TMED8: variants seen among roughly 807,000 people sequenced by gnomAD.
The protein encoded by TMED8 is protein TMED8.
Under a neutral mutation model 32.7 loss-of-function variants are expected in TMED8, and 15 were observed. That is an observed-to-expected ratio of 0.46 (90% CI 0.31 to 0.71). The LOEUF (loss-of-function observed/expected upper bound fraction) is 0.71, where lower values mean the gene tolerates loss of function less well. TMED8 is among the 30% of genes least tolerant of loss of function. The probability of loss-of-function intolerance (pLI) is 0.06; values close to 1 mark genes in which losing one functional copy is unlikely to be tolerated. For missense variants in TMED8, 390 were observed against 423.9 expected (o/e 0.92, Z 0.70); for synonymous variants, 147 against 161.4 (o/e 0.91, Z 0.68).
In TMED8 at chr14:77,376,495, G is replaced by T. The variant is rs1436026438; in HGVS notation, c.118+441C>A. Among the ~76,000 whole-genome samples, 9 of 152,076 alleles carry T rather than the reference G, an allele frequency of 5.9e-5. No individual in the cohort carries two copies. The highest frequency in any genetic ancestry group is 2.2e-4 in the African/African-American group (9 of 41,396). On this transcript the variant is annotated intron_variant, in intron 1 of 5. Transcript: ENST00000216468. The surrounding 1 kb of genome is among the most constrained non-coding windows in gnomAD (Gnocchi z 4.0). ...AACCCGGGTGGGGGCCGAGAGGCGCGTGGTAAGGCTGGGGCAGGGGACTGA... is the reference window on the plus strand; with the variant it reads ...AACCCGGGTGGGGGCCGAGAGGCGCTTGGTAAGGCTGGGGCAGGGGACTGA...
intron 1 of TMED8, among the ~76,000 whole-genome samples, chr14:77,362,668 T>C (rs1893465285): frequency 6.6e-6 from 1 of 151,998 alleles, no homozygotes; most frequent in Non-Finnish European, 1.5e-5. Context: ...AGTTCTCCAA[T>C]TAGAAGACAC....
intron 1 of TMED8, among the ~76,000 whole-genome samples, chr14:77,353,294 C>A (rs543411737): frequency 6.6e-6 from 1 of 152,164 alleles, no homozygotes; most frequent in Non-Finnish European, 1.5e-5. Context: ...ATACAAAATG[C>A]AACTTAAGTA....
rs1892911649 is a variant in TMED8 at position 77,341,937 on chromosome 14, C to A, written c.812G>T (p.Gly271Val). The change falls in exon 6 of 6, where the codon GGT becomes GTT. Residue 271 changes from glycine (G) to valine (V), a missense_variant. Coordinates refer to ENST00000216468, the MANE Select transcript of TMED8 (RefSeq NM_213601.3). ...VERGSRSSLR[G>V]RYGEVMPVYR... ...CACAGGCATGACCTCCCCATAGCGA[C>A]CCCGCAAGGAGCTCCTGGAGCCTCT... is the stretch of plus-strand genomic sequence containing the variant. 2 of 1,614,060 alleles carry A rather than the reference C, an allele frequency of 1.2e-6. No individual in the cohort carries two copies. Among genetic ancestry groups the A allele is most frequent in the Admixed American group, 1.7e-5 (1 of 60,020 alleles).
intron 2 of TMED8, among the ~76,000 whole-genome samples, chr14:77,348,708 T>A (rs972939504): frequency 5.3e-5 from 8 of 151,236 alleles, no homozygotes; most frequent in Non-Finnish European, 8.9e-5. Flanking sequence ...AAACGGAGGC[T>A]TCATTTTAGA....
intron 2 of TMED8, among the ~76,000 whole-genome samples, chr14:77,347,112 G>C (rs948540503): frequency 6.6e-6 from 1 of 151,736 alleles, no homozygotes; most frequent in Non-Finnish European, 1.5e-5. Flanking sequence ...CCACCATCCT[G>C]CCCTCGGCTT....
At chr14:77,349,393 C>T (rs574989360) in intron 2 of TMED8, among the ~76,000 whole-genome samples, 1 of 152,246 alleles carries the variant, frequency 6.6e-6, no homozygotes, top group Admixed American at 6.5e-5. Context: ...GCTGGGATTA[C>T]AGGCGTGAGC....
At chr14:77,354,148 TC>T in intron 1 of TMED8, among the ~76,000 whole-genome samples, 1 of 152,326 alleles carries the variant, frequency 6.6e-6, no homozygotes, top group African/African-American at 2.4e-5. Context: ...GAACAACTTT[TC>T]CAGGTGTGTT....
At chr14:77,348,192 G>A (rs1031308835) in intron 2 of TMED8, among the ~76,000 whole-genome samples, 1 of 151,514 alleles carries the variant, frequency 6.6e-6, no homozygotes, top group Non-Finnish European at 1.5e-5. Context: ...ATTTTTAAAT[G>A]AACAAATAAC....
At chr14:77,351,507 C>A (rs572659114) in intron 2 of TMED8, among the ~76,000 whole-genome samples, 166 bp downstream of exon 2, 4 of 149,390 alleles carry the variant, frequency 2.7e-5, no homozygotes, top group African/African-American at 9.8e-5. Context: ...GTGATCCACC[C>A]GCCTTGGCCT....
Position 77,376,184 on chromosome 14 carries a change from C to G in TMED8, c.118+752G>C, listed in dbSNP as rs949645012. ...GGATGGACTCTTTTGTCTTTGGACA[C>G]TGAAATAATACACACGGAGGAACTC... On this transcript the variant is annotated intron_variant, in intron 1 of 5. Transcript: ENST00000216468. The surrounding 1 kb of genome is among the most constrained non-coding windows in gnomAD (Gnocchi z 4.0). Among the ~76,000 whole-genome samples the G allele has an allele frequency of 1.3e-5, 2 of 152,176 alleles. No individual in the cohort carries two copies. The highest frequency in any genetic ancestry group is 3.8e-4 in the East Asian group (2 of 5,198).
Position 77,376,727 on chromosome 14 carries a change from A to G in TMED8, c.118+209T>C. 2.9e-6 allele frequency: 1 copy of G among 343,100 alleles called. No homozygotes were observed. The highest frequency in any genetic ancestry group is 1.5e-4 in the South Asian group (1 of 6,794). The allele number at this position is 343,100 out of a possible 1,614,324, so 21.3% of individuals were successfully genotyped here. On this transcript the variant is annotated intron_variant, in intron 1 of 5. Coordinates refer to ENST00000216468, the MANE Select transcript of TMED8 (RefSeq NM_213601.3). The surrounding 1 kb of genome is among the most constrained non-coding windows in gnomAD (Gnocchi z 4.0). Reference sequence around the variant, plus strand: ...AAGGAAGCGGGGCAGGAATCAAGGCATTTCGAAACAGGAGTGAGTAGAAAA... The same window carrying G: ...AAGGAAGCGGGGCAGGAATCAAGGCGTTTCGAAACAGGAGTGAGTAGAAAA...
At chr14:77,368,081 G>A (rs541022233) in intron 1 of TMED8, among the ~76,000 whole-genome samples, 1 of 152,328 alleles carries the variant, frequency 6.6e-6, no homozygotes, top group East Asian at 1.9e-4. Flanking sequence ...GTTAACTCCA[G>A]TTTGGGGCTA....
rs745471659 is a variant in TMED8 at position 77,343,305 on chromosome 14, A to G, written c.633T>C (p.Asp211=). ...GKRVCWEFAT[D]DYDIGFGVYF... ...AAACTCCAAAGCCAATGTCATAGTC[A>G]TCGGTCGCAAACTCCCAGCAGACAC... Residue 211 remains aspartate (D), a synonymous_variant, in exon 5 of 6, where the codon GAT becomes GAC. Transcript: ENST00000216468. The G allele has an allele frequency of 1.2e-6, 2 of 1,614,114 alleles. No individual in the cohort carries two copies. Among genetic ancestry groups the G allele is most frequent in the African/African-American group, 2.7e-5 (2 of 74,938 alleles).
chr14:77,368,625 G>A (rs1048222073), intron 1 of TMED8, among the ~76,000 whole-genome samples: 27 of 151,982 alleles, frequency 1.8e-4, no homozygotes, highest in Admixed American at 1.6e-3. Flanking sequence ...CTACAGGCAC[G>A]TGCCACCACA....
chr14:77,346,760 G>GTTTTTT, intron 2 of TMED8, among the ~76,000 whole-genome samples: 16 of 69,440 alleles, frequency 2.3e-4, no homozygotes, highest in South Asian at 7.4e-4. Context: ...TGCTGGTCTG[G>GTTTTTT]TTTTTTTTTT....
At position 77,340,634 on chromosome 14, in the gene TMED8, C is replaced by G. The variant is rs544402070; in HGVS notation, c.*1137G>C. The G allele has an allele frequency of 1.3e-5, 2 of 152,190 alleles. No homozygotes were observed. The highest frequency in any genetic ancestry group is 4.8e-5 in the African/African-American group (2 of 41,512). The allele number at this position is 152,190 out of a possible 1,614,324, so 9.4% of individuals were successfully genotyped here. ...GGTGACACAGTAGGAAATGCTGTCA[C>G]CAGGGAAATGCAAGCTTTGGTCAGG... On this transcript the variant is annotated 3_prime_UTR_variant, in exon 6 of 6. Transcript: ENST00000216468.
intron 2 of TMED8, among the ~76,000 whole-genome samples, chr14:77,347,094 C>T (rs1893065724): frequency 6.6e-6 from 1 of 152,104 alleles, no homozygotes; most frequent in East Asian, 1.9e-4. Flanking sequence ...GGCCCCAACA[C>T]CTATTAACCA....
chr14:77,364,673 A>T (rs1414721691), intron 1 of TMED8, among the ~76,000 whole-genome samples: 2 of 152,032 alleles, frequency 1.3e-5, no homozygotes, highest in Non-Finnish European at 2.9e-5. Context: ...GAATACAGGC[A>T]CCCTCACCAC....
chr14:77,376,966 C>T lies in TMED8; in HGVS notation c.88G>A (p.Gly30Arg). ...GCGGCCGCCTGGCTCCCCTCCACTC[C>T]CTGGCAGTCCCCGACGCCGCCAGCC... ...GSAGGVGDCQ[G>R]VEGSQAAASE... The change falls in exon 1 of 6, where the codon GGA (glycine) becomes AGA (arginine). Residue 30 changes from glycine to arginine, a missense_variant. Coordinates refer to ENST00000216468, the MANE Select transcript of TMED8 (RefSeq NM_213601.3). The surrounding 1 kb of genome is among the most constrained non-coding windows in gnomAD (Gnocchi z 4.0). 6.9e-7 allele frequency: 1 copy of T among 1,456,312 alleles called. No homozygotes were observed. The highest frequency in any genetic ancestry group is 9.0e-7 in the Non-Finnish European group (1 of 1,112,794). The allele number at this position is 1,456,312 out of a possible 1,614,324, so 90.2% of individuals were successfully genotyped here. A position where few individuals can be genotyped will look rare whatever the true frequency, so the allele number is the denominator to read the frequency against.
Sources: gnomAD v4.1 joint callset for allele counts (sites outside exome capture counted in the v4.1 genomes callset) on GRCh38, gnomAD v4.1.1 for gene constraint, Gnocchi (gnomAD v3.1) non-coding constraint, MANE v1.5 for transcripts, NCBI Gene and HGNC (gene_info 2026-07-23, HGNC 2026-07-21) for gene names.